GNAQ: variants seen among roughly 807,000 people sequenced by gnomAD.
GNAQ encodes the protein guanine nucleotide-binding protein G(q) subunit alpha.
In GNAQ, 8 loss-of-function variants were observed where a neutral mutation model predicts 43.9. The observed-to-expected ratio is 0.18, with a 90% CI of 0.11 to 0.33. The LOEUF is 0.33. Ranked by LOEUF, GNAQ falls within the 10% of genes least tolerant of loss-of-function variation. GNAQ has a pLI of 1.00. For synonymous variants in GNAQ, 155 were observed against 170.7 expected (o/e 0.91, Z 0.71); for missense variants, 158 against 450.8 (o/e 0.35, Z 5.88).
At chr9:77,751,790 A>G (rs1825815991) in intron 5 of GNAQ, among the ~76,000 whole-genome samples, 1 of 150,396 alleles carries the variant, frequency 6.6e-6, no homozygotes. Flanking sequence ...CAGACCTCCA[A>G]AAAACAAACA....
At chr9:77,984,899 G>T (rs1253465089) in intron 1 of GNAQ, among the ~76,000 whole-genome samples, 1 of 152,162 alleles carries the variant, frequency 6.6e-6, no homozygotes, top group Non-Finnish European at 1.5e-5. Context: ...GAGGTGAGAG[G>T]AGAAAGCAGA....
rs558629931 is a variant in GNAQ at position 77,844,787 on chromosome 9, C to A, written c.322-29017G>T. ...TCCCGGGTTCAAGTGATTCTCCCAC[C>A]TCAGCCTCCCGAGTAGCTGGGATTA... On this transcript the variant is annotated intron_variant, in intron 2 of 6. Coordinates refer to ENST00000286548, the MANE Select transcript of GNAQ (RefSeq NM_002072.5). Among the ~76,000 whole-genome samples the A allele has an allele frequency of 4.8e-4, 73 of 152,170 alleles. No homozygotes were observed. The South Asian group carries it at 0.012, about 25-fold the overall frequency.
chr9:78,028,849 C>T (rs929832344), intron 1 of GNAQ, among the ~76,000 whole-genome samples: 1 of 152,082 alleles, frequency 6.6e-6, no homozygotes, highest in Non-Finnish European at 1.5e-5. Context: ...CATACACGCA[C>T]GCACAAATCC....
At chr9:77,824,478 A>G (rs1827164248) in intron 2 of GNAQ, among the ~76,000 whole-genome samples, 1 of 152,204 alleles carries the variant, frequency 6.6e-6, no homozygotes, top group South Asian at 2.1e-4. Context: ...TGAAACTCAT[A>G]AATAGATTAT....
rs558882603 is a variant in GNAQ at position 77,844,354 on chromosome 9, T to A, written c.322-28584A>T. Among the ~76,000 whole-genome samples the A allele has an allele frequency of 5.3e-5, 8 of 152,322 alleles. No individual in the cohort carries two copies. The East Asian group carries it at 1.3e-3, about 26-fold the overall frequency. On this transcript the variant is annotated intron_variant, in intron 2 of 6. Transcript: ENST00000286548. ...AACAACCCCATCCACTCTGGGCCAT[T>A]CCTCCATTAAAATCATGTCTAGAAA...
intron 1 of GNAQ, among the ~76,000 whole-genome samples, chr9:78,022,272 C>A (rs867638477): frequency 6.6e-6 from 1 of 152,076 alleles, no homozygotes; most frequent in African/African-American, 2.4e-5. Context: ...GTGGCCGAGA[C>A]GCCAAAGCTG....
chr9:77,988,468 C>A (rs775218974), intron 1 of GNAQ, among the ~76,000 whole-genome samples: 1 of 152,184 alleles, frequency 6.6e-6, no homozygotes, highest in Non-Finnish European at 1.5e-5. Flanking sequence ...CAATGGAGCA[C>A]GTAATTGCTG....
intron 5 of GNAQ, among the ~76,000 whole-genome samples, chr9:77,761,523 A>T (rs2118334999): frequency 7.3e-6 from 1 of 136,942 alleles, no homozygotes; most frequent in African/African-American, 2.8e-5. Context: ...CCGCCCGGCC[A>T]GCCGCCCCGT....
intron 1 of GNAQ, among the ~76,000 whole-genome samples, chr9:77,932,534 A>T (rs780469782): frequency 1.3e-5 from 2 of 152,194 alleles, no homozygotes; most frequent in African/African-American, 2.4e-5. Context: ...GCAACAAGAA[A>T]ATTAGAAGGA....
At chr9:77,760,057 G>T in intron 5 of GNAQ, among the ~76,000 whole-genome samples, 1 of 103,536 alleles carries the variant, frequency 9.7e-6, no homozygotes, top group Non-Finnish European at 2.5e-5. Flanking sequence ...CACCATGCCT[G>T]GCCTTTTTCT....
At chr9:78,021,045 CTTTTT>C (rs545575616) in intron 1 of GNAQ, among the ~76,000 whole-genome samples, 1 of 112,208 alleles carries the variant, frequency 8.9e-6, no homozygotes, top group African/African-American at 3.5e-5. Flanking sequence ...CAGGAAGCTG[CTTTTT>C]TTTTTTTTTT....
chr9:77,808,807 A>G (rs1382602609), intron 3 of GNAQ, among the ~76,000 whole-genome samples: 3 of 152,118 alleles, frequency 2.0e-5, no homozygotes, highest in African/African-American at 7.2e-5. Flanking sequence ...CCTTGACCTA[A>G]TATTTTCACC....
At position 77,769,757 on chromosome 9, in the gene GNAQ, T is replaced by C. The variant is rs538442515; in HGVS notation, c.735+24706A>G. On this transcript the variant is annotated intron_variant, in intron 5 of 6. Coordinates refer to ENST00000286548, the MANE Select transcript of GNAQ (RefSeq NM_002072.5). ...TCCGCTCACTGCAAGCTCTGCCTCC[T>C]GGGTTCATGCCATTCTCCTGCCTCA... Among the ~76,000 whole-genome samples, 840 of 150,320 alleles carry C rather than the reference T, an allele frequency of 5.6e-3. 1 individual carries two copies. Among genetic ancestry groups the C allele is most frequent in the African/African-American group, 0.019 (792 of 40,798 alleles).
chr9:77,858,665 C>G (rs1049045322), intron 2 of GNAQ, among the ~76,000 whole-genome samples: 1 of 151,856 alleles, frequency 6.6e-6, no homozygotes, highest in African/African-American at 2.4e-5. Context: ...CCAGCCTCTC[C>G]AGCCATGCTT....
chr9:77,747,885 T>C (rs544967197), intron 5 of GNAQ, among the ~76,000 whole-genome samples: 27 of 152,348 alleles, frequency 1.8e-4, no homozygotes, highest in African/African-American at 4.8e-4. Context: ...CCTTGTGAGA[T>C]AAAGACTTAA....
intron 1 of GNAQ, among the ~76,000 whole-genome samples, chr9:78,004,008 T>G (rs912965673): frequency 1.3e-5 from 2 of 152,046 alleles, no homozygotes; most frequent in African/African-American, 4.8e-5. Context: ...CAGGTTGCTA[T>G]GGAGGAACAA....
At chr9:77,760,757 G>A (rs1295176273) in intron 5 of GNAQ, among the ~76,000 whole-genome samples, 1 of 151,360 alleles carries the variant, frequency 6.6e-6, no homozygotes, top group Non-Finnish European at 1.5e-5. Context: ...CATCTAGGAA[G>A]TGAGGAGCGC....
intron 5 of GNAQ, among the ~76,000 whole-genome samples, chr9:77,731,076 A>G (rs1388596537): frequency 1.3e-5 from 2 of 152,164 alleles, no homozygotes; most frequent in Non-Finnish European, 2.9e-5. Context: ...TCTATTAGAA[A>G]GCCTTATTAT....
At chr9:77,915,941 T>C (rs1255207506) in intron 2 of GNAQ, among the ~76,000 whole-genome samples, 3 of 152,180 alleles carry the variant, frequency 2.0e-5, no homozygotes, top group African/African-American at 7.2e-5. Context: ...CAGATTTCCC[T>C]CAGGGGCTGT....
Sources: gnomAD v4.1 joint callset for allele counts (sites outside exome capture counted in the v4.1 genomes callset) on GRCh38, gnomAD v4.1.1 for gene constraint, MANE v1.5 for transcripts, NCBI Gene and HGNC (gene_info 2026-07-23, HGNC 2026-07-21) for gene names.